The following OGG1 variants were observed in gnomAD, a reference collection of about 807,000 sequenced individuals.
OGG1 encodes the protein N-glycosylase/DNA lyase.
A neutral mutation model predicts 42.3 loss-of-function variants in OGG1; 35 were observed. The ratio of observed to expected loss-of-function variants is 0.83; its 90% CI spans 0.63 to 1.10. OGG1 has a LOEUF of 1.10. Ranked by LOEUF, OGG1 falls within the 50% of genes least tolerant of loss-of-function variation. The pLI is 0.00. For missense variants in OGG1, 484 were observed against 446.7 expected (o/e 1.08, Z -0.75); for synonymous variants, 189 against 179.0 (o/e 1.06, Z -0.44).
intron 7 of OGG1, chr3:9,763,174 A>C (rs745723089): frequency 8.1e-6 from 13 of 1,613,970 alleles, no homozygotes; most frequent in Admixed American, 1.7e-5. Flanking sequence ...CCCCACTCTC[A>C]TAGATGTCAT....
exon 8 of OGG1, chr3:9,766,376 C>A (rs1243080955): frequency 3.3e-6 from 2 of 612,902 alleles, no homozygotes; most frequent in East Asian, 3.1e-5. Context: ...TCTGCTAATT[C>A]GAGTCATGGC....
chr3:9,761,663 A>G (rs1375061939), downstream of OGG1: 1 of 1,613,946 alleles, frequency 6.2e-7, no homozygotes, highest in Non-Finnish European at 8.5e-7. Context: ...GGCGGTGGAG[A>G]GCACACTGCC....
intron 2 of OGG1, chr3:9,780,488 CGTT>C: frequency 6.2e-7 from 1 of 1,610,254 alleles, no homozygotes; most frequent in Non-Finnish European, 8.5e-7. Flanking sequence ...TCCATGACCT[CGTT>C]GTCAGCCATG....
chr3:9,761,086 C>T (rs2077844103), downstream of OGG1: 1 of 360,604 alleles, frequency 2.8e-6, no homozygotes, highest in Non-Finnish European at 5.1e-6. Flanking sequence ...CCTGACCTCC[C>T]TACTGAAATG....
At chr3:9,762,343 GA>G (rs1188798186), downstream of OGG1, 1 of 153,670 alleles carries the variant, frequency 6.5e-6, no homozygotes, top group Non-Finnish European at 1.4e-5. Flanking sequence ...TACAGAAGGG[GA>G]ATAGGATTTT....
At chr3:9,752,528 T>C (rs1183269961) in intron 3 of OGG1, among the ~76,000 whole-genome samples, 1 of 44,586 alleles carries the variant, frequency 2.2e-5, no homozygotes, top group Non-Finnish European at 4.0e-5. Context: ...AGACTCTGTC[T>C]CAAAAAAAAA....
At chr3:9,787,358 C>T (rs1197495122) in intron 3 of OGG1, 4 of 1,596,784 alleles carry the variant, frequency 2.5e-6, no homozygotes, top group African/African-American at 1.3e-5. Context: ...AAAGATGGCA[C>T]CCAACCCTGA....
chr3:9,764,337 T>TCAGGCTGGAGTGTTGCC (rs1340783604), intron 7 of OGG1, among the ~76,000 whole-genome samples: 1 of 152,132 alleles, frequency 6.6e-6, no homozygotes, highest in Non-Finnish European at 1.5e-5. Flanking sequence ...CTCTTGTTGC[T>TCAGGCTGGAGTGTTGCC]CAGGCTGGAG....
At chr3:9,762,180 T>C (rs1237960385), downstream of OGG1, 1 of 164,700 alleles carries the variant, frequency 6.1e-6, no homozygotes, top group Non-Finnish European at 1.3e-5. Flanking sequence ...AGAGCCAGAA[T>C]TCAAAACCAG....
At chr3:9,760,391 A>C (rs2077797241), downstream of OGG1, 5 of 391,606 alleles carry the variant, frequency 1.3e-5, no homozygotes, top group South Asian at 1.0e-4. Flanking sequence ...TTTAGACATT[A>C]GGGTGTCAAT....
At chr3:9,778,409 G>A (rs67055061) in intron 2 of OGG1, among the ~76,000 whole-genome samples, 34,516 of 152,048 alleles carry the variant, frequency 0.23, 4,319 homozygotes, top group East Asian at 0.56. Context: ...CTTGTAATAG[G>A]CCTTTTTTAG....
At chr3:9,773,210 C>CA (rs1336642831) in intron 2 of OGG1, among the ~76,000 whole-genome samples, 1 of 146,270 alleles carries the variant, frequency 6.8e-6, no homozygotes, top group African/African-American at 2.6e-5. Context: ...GCCTGGGTGA[C>CA]ACGGCAAGAC....
At chr3:9,780,261 A>G (rs2078428180) in intron 2 of OGG1, 1 of 1,342,270 alleles carries the variant, frequency 7.5e-7, no homozygotes, top group Non-Finnish European at 1.0e-6. Flanking sequence ...CATTTGAGGG[A>G]CAGCCACAGG....
chr3:9,753,448 C>G (rs1352653688), intron 3 of OGG1, among the ~76,000 whole-genome samples: 1 of 151,594 alleles, frequency 6.6e-6, no homozygotes, highest in Non-Finnish European at 1.5e-5. Context: ...GTCAGGAGAT[C>G]AAGACCATCC....
downstream of OGG1, among the ~76,000 whole-genome samples, chr3:9,771,428 TCA>T (rs1318293294): frequency 6.6e-6 from 1 of 152,192 alleles, no homozygotes; most frequent in African/African-American, 2.4e-5. Context: ...TCTCCGAACC[TCA>T]GTTTCTTACT....
At chr3:9,780,384 C>T in intron 2 of OGG1, 1 of 1,613,526 alleles carries the variant, frequency 6.2e-7, no homozygotes, top group Non-Finnish European at 8.5e-7. Flanking sequence ...TCAGGATGCT[C>T]TCACGCTCCT....
chr3:9,786,853 A>G (rs2078626128), intron 3 of OGG1, among the ~76,000 whole-genome samples: 1 of 152,148 alleles, frequency 6.6e-6, no homozygotes, highest in African/African-American at 2.4e-5. Context: ...ATTATTCCCA[A>G]TCTTTTGCTA....
At chr3:9,763,269 A>G in intron 7 of OGG1, 1 of 1,609,354 alleles carries the variant, frequency 6.2e-7, no homozygotes. Flanking sequence ...CCTGTAGTCC[A>G]AGCTACTTGG....
At chr3:9,751,729 C>G in intron 2 of OGG1, 41 bp from the exon 3 acceptor site, 1 of 1,596,244 alleles carries the variant, frequency 6.3e-7, no homozygotes, top group Non-Finnish European at 8.6e-7. Context: ...CCACACCCAA[C>G]AGCAGGTACC....
Sources: allele counts gnomAD v4.1 joint callset (sites outside exome capture counted in the v4.1 genomes callset), GRCh38; gene constraint gnomAD v4.1.1; transcripts MANE v1.5; gene names NCBI Gene and HGNC (gene_info 2026-07-23, HGNC 2026-07-21).